MAP2K1: variants seen among roughly 807,000 people sequenced by gnomAD.
The protein encoded by MAP2K1 is mitogen-activated protein kinase kinase 1, also known as dual specificity mitogen-activated protein kinase kinase 1.
In MAP2K1, 16 loss-of-function variants were observed where a neutral mutation model predicts 46.3. The ratio of observed to expected loss-of-function variants is 0.35; its 90% CI spans 0.23 to 0.52. MAP2K1 has a LOEUF of 0.52. Ranked by LOEUF, MAP2K1 falls within the 20% of genes least tolerant of loss-of-function variation. The pLI is 0.94. For missense variants in MAP2K1, 263 were observed against 497.1 expected (o/e 0.53, Z 4.48); for synonymous variants, 183 against 185.6 (o/e 0.99, Z 0.11).
chr15:66,470,975 G>A (rs1316977117), intron 5 of MAP2K1, among the ~76,000 whole-genome samples: 1 of 152,228 alleles, frequency 6.6e-6, no homozygotes, highest in Non-Finnish European at 1.5e-5. Context: ...ACTTGAAGCA[G>A]GGAGGGGGCT....
chr15:66,468,271 T>C lies in MAP2K1; in HGVS notation c.569-13484T>C, dbSNP rs575770966. On this transcript the variant is annotated intron_variant, in intron 5 of 10. Coordinates refer to ENST00000307102, the MANE Select transcript of MAP2K1 (RefSeq NM_002755.4). Reference sequence around the variant, plus strand: ...ATCTTAAAGGTAAGACAGACCTCCTTTTTTTTTCCCCCCTTCTGTCTAAGA... The same window carrying C: ...ATCTTAAAGGTAAGACAGACCTCCTCTTTTTTTCCCCCCTTCTGTCTAAGA... 2.1e-5 allele frequency among the ~76,000 whole-genome samples: 3 copies of C among 145,422 alleles called. No homozygotes were observed. The East Asian group carries it at 5.8e-4, about 28-fold the overall frequency.
At chr15:66,473,990 T>C (rs1595881367) in intron 5 of MAP2K1, among the ~76,000 whole-genome samples, 1 of 152,258 alleles carries the variant, frequency 6.6e-6, no homozygotes, top group East Asian at 1.9e-4. Flanking sequence ...CCTAAAAATT[T>C]AGATAATTTA....
chr15:66,467,607 C>T (rs1420355461), intron 5 of MAP2K1, among the ~76,000 whole-genome samples: 1 of 152,110 alleles, frequency 6.6e-6, no homozygotes, highest in Non-Finnish European at 1.5e-5. Context: ...GTCACCCAGG[C>T]TAGAGTGCAG....
intron 7 of MAP2K1, among the ~76,000 whole-genome samples, chr15:66,485,538 C>T (rs1419540643): frequency 6.6e-6 from 1 of 152,170 alleles, no homozygotes; most frequent in African/African-American, 2.4e-5. Flanking sequence ...AGCAGTCTTC[C>T]TCCCTCAGCC....
chr15:66,420,128 C>G (rs1039031848), intron 1 of MAP2K1, among the ~76,000 whole-genome samples: 2 of 152,042 alleles, frequency 1.3e-5, no homozygotes, highest in African/African-American at 4.8e-5. Flanking sequence ...CCTGTAGTCC[C>G]AGCTACTCGG....
chr15:66,465,476 A>G (rs1049863690), intron 5 of MAP2K1, among the ~76,000 whole-genome samples: 1 of 152,228 alleles, frequency 6.6e-6, no homozygotes, highest in Non-Finnish European at 1.5e-5. Context: ...TCTGTAATCT[A>G]TAGATAACAT....
At position 66,485,066 on chromosome 15, in the gene MAP2K1, C is replaced by T. The variant is rs1334665647; in HGVS notation, c.770C>T (p.Ala257Val). The T allele has an allele frequency of 6.8e-6, 11 of 1,613,788 alleles. No homozygotes were observed. Among genetic ancestry groups the T allele is most frequent in the Admixed American group, 1.7e-5 (1 of 60,016 alleles). Residue 257 changes from alanine to valine, a missense_variant, in exon 7 of 11, where the codon GCG becomes GTG. Physicochemically the swap from Ala to Val is moderately conservative, Grantham distance 64 (BLOSUM62 0). Transcript: ENST00000307102. The stretch of plus-strand genomic sequence containing the variant: ...ATGGGACTGTCTCTGGTAGAGATGG[C>T]GGTTGGGAGGTATCCCATCCCTCCT... ...WSMGLSLVEMAVGRYPIPPPD... is the reference protein window; with the variant it reads ...WSMGLSLVEMVVGRYPIPPPD...
At chr15:66,403,014 G>A (rs931148673) in intron 1 of MAP2K1, among the ~76,000 whole-genome samples, 6 of 152,186 alleles carry the variant, frequency 3.9e-5, no homozygotes, top group Non-Finnish European at 7.4e-5. Flanking sequence ...TAGAAGCAGA[G>A]CTTATTAGGG....
intron 5 of MAP2K1, among the ~76,000 whole-genome samples, chr15:66,478,760 A>G (rs575937591): frequency 2.4e-4 from 37 of 152,186 alleles, no homozygotes; most frequent in Non-Finnish European, 4.4e-4. Context: ...TACAGACGTG[A>G]GCCACTGCGC....
chr15:66,413,694 T>TA (rs2093417076), intron 1 of MAP2K1, among the ~76,000 whole-genome samples: 4 of 152,128 alleles, frequency 2.6e-5, no homozygotes, highest in Non-Finnish European at 5.9e-5. Context: ...GTTTGGGGGA[T>TA]ACTTCCAGCT....
chr15:66,449,319 G>A (rs1375207596), intron 5 of MAP2K1, among the ~76,000 whole-genome samples: 3 of 152,118 alleles, frequency 2.0e-5, no homozygotes, highest in African/African-American at 4.8e-5. Context: ...ATATAACTTC[G>A]ATGAATCTCA....
At chr15:66,432,620 G>A (rs1299422379) in intron 1 of MAP2K1, among the ~76,000 whole-genome samples, 1 of 152,136 alleles carries the variant, frequency 6.6e-6, no homozygotes, top group African/African-American at 2.4e-5. Context: ...GTATGATTGA[G>A]GCCTGGTGTG....
chr15:66,437,597 C>A (rs1003168533), intron 3 of MAP2K1, among the ~76,000 whole-genome samples: 1 of 152,190 alleles, frequency 6.6e-6, no homozygotes, highest in African/African-American at 2.4e-5. Flanking sequence ...TCTCTCAGCT[C>A]CTACCCCATT....
intron 5 of MAP2K1, among the ~76,000 whole-genome samples, chr15:66,454,617 G>C (rs1805522245): frequency 6.6e-6 from 1 of 152,178 alleles, no homozygotes; most frequent in African/African-American, 2.4e-5. Flanking sequence ...GGGAGCGGTG[G>C]CTCATACCTG....
Position 66,456,921 on chromosome 15 carries a change from C to T in MAP2K1, c.568+12214C>T, listed in dbSNP as rs541474570. Among the ~76,000 whole-genome samples the T allele has an allele frequency of 1.7e-4, 26 of 152,220 alleles. No individual in the cohort carries two copies. The South Asian group carries it at 4.8e-3, about 28-fold the overall frequency. On this transcript the variant is annotated intron_variant, in intron 5 of 10. Transcript: ENST00000307102. ...GCAAGCAAATTTTTAAAAAGTTTTC[C>T]GCTTACAAATTCTGTTAAGCATTGG...
intron 5 of MAP2K1, among the ~76,000 whole-genome samples, chr15:66,474,712 T>G (rs920681517): frequency 6.6e-6 from 1 of 152,128 alleles, no homozygotes; most frequent in African/African-American, 2.4e-5. Context: ...TGTGCCACCC[T>G]AACAGGTGAC....
At chr15:66,420,765 GTGTATATATATGTGTATATA>G (rs2093437291) in intron 1 of MAP2K1, among the ~76,000 whole-genome samples, 5 of 34,044 alleles carry the variant, frequency 1.5e-4, no homozygotes, top group African/African-American at 3.4e-4. Flanking sequence ...GTGTGTATGT[GTGTATATATATGTGTATATA>G]TATGTGTGTA....
At chr15:66,454,598 G>T (rs1892115525) in intron 5 of MAP2K1, among the ~76,000 whole-genome samples, 1 of 152,114 alleles carries the variant, frequency 6.6e-6, no homozygotes, top group Admixed American at 6.5e-5. Flanking sequence ...TCATTAGAAG[G>T]ATCTGGCTGG....
At chr15:66,424,129 C>A (rs2093451014) in intron 1 of MAP2K1, among the ~76,000 whole-genome samples, 1 of 151,430 alleles carries the variant, frequency 6.6e-6, no homozygotes, top group Non-Finnish European at 1.5e-5. Flanking sequence ...ACTGTCTTGG[C>A]TCACTGCAGC....
Sources: allele counts gnomAD v4.1 joint callset (sites outside exome capture counted in the v4.1 genomes callset), GRCh38; gene constraint gnomAD v4.1.1; transcripts MANE v1.5; gene names NCBI Gene and HGNC (gene_info 2026-07-23, HGNC 2026-07-21).